Variants in NPAS3 observed in about 807,000 individuals in gnomAD.
NPAS3 encodes neuronal PAS domain-containing protein 3.
NPAS3 carries 14 observed loss-of-function variants against 73.1 expected under a neutral mutation model. The ratio of observed to expected loss-of-function variants is 0.19; its 90% confidence interval spans 0.13 to 0.30. The LOEUF (loss-of-function observed/expected upper bound fraction) is 0.30. Ranked by LOEUF, NPAS3 falls within the 10% of genes least tolerant of loss-of-function variation. NPAS3 has a pLI of 1.00. For missense variants in NPAS3, 1,096 were observed against 1,250.0 expected (o/e 0.88, Z 1.86); for synonymous variants, 620 against 541.5 (o/e 1.14, Z -2.01).
intron 3 of NPAS3, among the ~76,000 whole-genome samples, chr14:33,226,395 T>C (rs1364779577): frequency 6.6e-6 from 1 of 152,220 alleles, no homozygotes; most frequent in African/African-American, 2.4e-5. Context: ...ATGTTGTGAC[T>C]GTAACCATCA....
chr14:33,734,976 A>G (rs2061487309), intron 6 of NPAS3, among the ~76,000 whole-genome samples: 1 of 152,218 alleles, frequency 6.6e-6, no homozygotes, highest in South Asian at 2.1e-4. Context: ...TGCTGGAAGT[A>G]AAAAGGCCTG....
At chr14:32,987,771 C>T (rs144669237) in intron 1 of NPAS3, among the ~76,000 whole-genome samples, 97 of 152,282 alleles carry the variant, frequency 6.4e-4, no homozygotes, top group African/African-American at 2.2e-3. Flanking sequence ...ACAAGACTTA[C>T]ATTAAATTAT....
At chr14:33,791,076 A>G (rs955691787) in intron 9 of NPAS3, among the ~76,000 whole-genome samples, 5 of 152,172 alleles carry the variant, frequency 3.3e-5, no homozygotes, top group African/African-American at 1.2e-4. Flanking sequence ...GAAAACACCA[A>G]TCCCTAGGAG....
intron 4 of NPAS3, among the ~76,000 whole-genome samples, chr14:33,414,233 A>C (rs2048053093): frequency 1.3e-5 from 2 of 152,270 alleles, no homozygotes; most frequent in Non-Finnish European, 1.5e-5. Flanking sequence ...CCAGTAGCAA[A>C]CATTCGCTTT....
intron 2 of NPAS3, among the ~76,000 whole-genome samples, chr14:33,175,919 C>T (rs1297050572): frequency 1.3e-5 from 2 of 151,888 alleles, no homozygotes; most frequent in Admixed American, 6.6e-5. Flanking sequence ...TTTAAAACAA[C>T]AACAACAAAA....
intron 3 of NPAS3, among the ~76,000 whole-genome samples, chr14:33,246,494 C>T (rs1330532404): frequency 1.4e-5 from 2 of 139,694 alleles, no homozygotes; most frequent in South Asian, 2.3e-4. Flanking sequence ...GAGCCGAGAT[C>T]GCGCCACTGC....
At chr14:32,994,103 G>A (rs892937165) in intron 1 of NPAS3, among the ~76,000 whole-genome samples, 4 of 152,182 alleles carry the variant, frequency 2.6e-5, no homozygotes, top group African/African-American at 7.2e-5. Context: ...AGAGCAGCTG[G>A]TGTTTTCTGG....
intron 4 of NPAS3, among the ~76,000 whole-genome samples, chr14:33,545,745 A>T (rs1188373914): frequency 6.6e-6 from 1 of 152,228 alleles, no homozygotes; most frequent in Non-Finnish European, 1.5e-5. Context: ...GTCCCTCTGA[A>T]TCTGACCAGG....
chr14:33,373,596 A>G (rs903980437), intron 4 of NPAS3, among the ~76,000 whole-genome samples: 1 of 152,198 alleles, frequency 6.6e-6, no homozygotes, highest in Non-Finnish European at 1.5e-5. Context: ...TTTATTATTT[A>G]AACTAAGTAT....
chr14:33,192,588 A>T (rs953710399), intron 2 of NPAS3, among the ~76,000 whole-genome samples: 2 of 152,204 alleles, frequency 1.3e-5, no homozygotes, highest in Admixed American at 1.3e-4. Context: ...ATGACATGGC[A>T]TTATCATTAC....
chr14:33,486,723 C>G (rs886778983), intron 4 of NPAS3, among the ~76,000 whole-genome samples: 1 of 152,176 alleles, frequency 6.6e-6, no homozygotes, highest in African/African-American at 2.4e-5. Context: ...CCGGCAGATT[C>G]CTGACAGACT....
chr14:33,611,454 G>C (rs2057745711), intron 5 of NPAS3, among the ~76,000 whole-genome samples: 1 of 152,090 alleles, frequency 6.6e-6, no homozygotes, highest in African/African-American at 2.4e-5. Context: ...AGGAAGAGGT[G>C]AGATGAGATG....
chr14:33,556,922 T>TAAAAGGG (rs1189816476), intron 4 of NPAS3, among the ~76,000 whole-genome samples: 1 of 152,198 alleles, frequency 6.6e-6, no homozygotes, highest in African/African-American at 2.4e-5. Flanking sequence ...AATGACATAT[T>TAAAAGGG]AAAATTTGAG....
chr14:33,043,695 A>G (rs2040415484), intron 1 of NPAS3, among the ~76,000 whole-genome samples: 1 of 152,174 alleles, frequency 6.6e-6, no homozygotes, highest in Non-Finnish European at 1.5e-5. Context: ...TTGAGGTGGG[A>G]ACAAAGACTT....
chr14:33,372,119 CTAAAGTAGAGGTCAGT>C (rs2046116546), intron 4 of NPAS3, among the ~76,000 whole-genome samples: 1 of 152,124 alleles, frequency 6.6e-6, no homozygotes, highest in Non-Finnish European at 1.5e-5. Flanking sequence ...AATTTGGAAA[CTAAAGTAGAGGTCAGT>C]TCCAAATACC....
chr14:33,326,650 G>A (rs1196979592), intron 3 of NPAS3, among the ~76,000 whole-genome samples: 1 of 152,212 alleles, frequency 6.6e-6, no homozygotes, highest in East Asian at 1.9e-4. Flanking sequence ...GTATAATTTA[G>A]AGAGAAGTGG....
intron 4 of NPAS3, among the ~76,000 whole-genome samples, chr14:33,446,767 A>G (rs1464710478): frequency 2.6e-5 from 4 of 152,322 alleles, no homozygotes; most frequent in East Asian, 3.9e-4. Flanking sequence ...CATGTTTTCT[A>G]TAGCATTAGT....
chr14:32,937,528 AG>A (rs2035735801), upstream of NPAS3, among the ~76,000 whole-genome samples: 1 of 152,036 alleles, frequency 6.6e-6, no homozygotes, highest in Admixed American at 6.5e-5. Context: ...TCTCCACTCC[AG>A]TTCATTTCTC....
chr14:33,635,555 A>G (rs977512300), intron 5 of NPAS3, among the ~76,000 whole-genome samples: 9 of 152,172 alleles, frequency 5.9e-5, no homozygotes, highest in Non-Finnish European at 1.2e-4. Context: ...CTTGCTTTGG[A>G]CAATTGCAGT....
Sources: allele counts gnomAD v4.1 joint callset (sites outside exome capture counted in the v4.1 genomes callset), GRCh38; gene constraint gnomAD v4.1.1; transcripts MANE v1.5; gene names NCBI Gene and HGNC (gene_info 2026-07-23, HGNC 2026-07-21).